Variants in ZNF655 observed in about 807,000 individuals in gnomAD.
ZNF655 encodes Vav-interacting Kruppel-like protein 1.
Under a neutral mutation model 6.6 loss-of-function variants are expected in ZNF655, and 3 were observed. The observed-to-expected ratio is 0.46, with a 90% CI of 0.21 to 1.18. ZNF655 has a LOEUF of 1.18. Ranked by LOEUF, ZNF655 falls within the 50% of genes most tolerant of loss-of-function variation. The pLI, the probability that ZNF655 is intolerant of heterozygous loss-of-function variation, is 0.24. For missense variants in ZNF655, 526 were observed against 572.3 expected, an observed-to-expected ratio of 0.92 and a Z score of 0.83; for synonymous variants, 178 against 195.0, an observed-to-expected ratio of 0.91 and a Z score of 0.73.
chr7:99,562,931 C>T (rs1436373996), intron 2 of ZNF655, among the ~76,000 whole-genome samples: 4 of 152,036 alleles, frequency 2.6e-5, no homozygotes, highest in East Asian at 3.8e-4. Flanking sequence ...AAAGAAATGC[C>T]GTTTATTTAA....
chr7:99,564,713 A>G (rs1803489056), intron 2 of ZNF655: 1 of 985,098 alleles, frequency 1.0e-6, no homozygotes, highest in Non-Finnish European at 1.2e-6. Context: ...TAACCTGTCT[A>G]CTTTTTGGAG....
intron 2 of ZNF655, among the ~76,000 whole-genome samples, chr7:99,569,709 A>G (rs969981187): frequency 1.3e-5 from 2 of 152,152 alleles, no homozygotes; most frequent in Non-Finnish European, 2.9e-5. Flanking sequence ...TACTTAGTAA[A>G]ACTTAATAAT....
At position 99,560,717 on chromosome 7, in the gene ZNF655, C is replaced by G. The variant is rs185524288; in HGVS notation, c.136+22C>G. 8.2e-4 allele frequency: 1,327 copies of G among 1,611,424 alleles called. 2 individuals are homozygous for G. The highest frequency in any genetic ancestry group is 3.0e-3 in the East Asian group (135 of 44,766). On this transcript the variant is annotated intron_variant, in intron 2 of 2. Transcript: ENST00000252713. ...GGGGGTAAGGCAGAGAAAGCACTTC[C>G]GTCTGGGAGAGTGGGAGTGCGGAGG...
intron 2 of ZNF655, among the ~76,000 whole-genome samples, chr7:99,569,840 G>T (rs1287423420): frequency 6.6e-6 from 1 of 152,068 alleles, no homozygotes; most frequent in African/African-American, 2.4e-5. Flanking sequence ...CGTACAAGTG[G>T]TTTTTTGTTA....
intron 2 of ZNF655, among the ~76,000 whole-genome samples, chr7:99,569,800 T>TA (rs1025980979): frequency 3.3e-5 from 5 of 152,050 alleles, no homozygotes; most frequent in African/African-American, 9.7e-5. Flanking sequence ...TTTTCTCTTT[T>TA]AAAAAAAATT....
At position 99,573,288 on chromosome 7, in the gene ZNF655, C is replaced by T. The variant is rs765720694; in HGVS notation, c.1180C>T (p.His394Tyr). 2.4e-5 allele frequency: 38 copies of T among 1,614,026 alleles called. No homozygotes were observed. Among genetic ancestry groups the T allele is most frequent in the African/African-American group, 4.0e-5 (3 of 74,934 alleles). Residue 394 changes from histidine to tyrosine, a missense_variant, in exon 3 of 3, where the codon CAT becomes TAT. Coordinates refer to ENST00000252713, the MANE Select transcript of ZNF655 (RefSeq NM_138494.3). The stretch of plus-strand genomic sequence containing the variant: ...TGGAAAAGACTTCAGATTGAATTCA[C>T]ATCTTATTCAGCATCAAAGAATTCA... ...ECGKDFRLNS[H>Y]LIQHQRIHTG... is the part of the protein sequence containing the mutation.
Position 99,573,412 on chromosome 7 carries a change from C to A in ZNF655, c.1304C>A (p.Ser435Ter). The A allele has an allele frequency of 1.2e-6, 2 of 1,614,072 alleles. No individual in the cohort carries two copies. Among genetic ancestry groups the A allele is most frequent in the Non-Finnish European group, 1.7e-6 (2 of 1,180,002 alleles). Residue 435 changes from serine to a stop codon, truncating the protein, a stop_gained, in exon 3 of 3, where the codon TCG (serine) becomes TAG (stop). Coordinates refer to ENST00000252713, the MANE Select transcript of ZNF655 (RefSeq NM_138494.3). LOFTEE classifies it low-confidence loss of function (END_TRUNC). ...CACAAAATGCATAGGAAAGAGAAAT[C>A]GTATGAATGTAATGAGTATGAGGGC... is the stretch of plus-strand genomic sequence containing the variant. ...QHHKMHRKEK[S>*]YECNEYEGSF...
intron 2 of ZNF655, chr7:99,561,949 TG>T: frequency 6.3e-7 from 1 of 1,596,374 alleles, no homozygotes; most frequent in Non-Finnish European, 8.5e-7. Context: ...ACCAGGCAGC[TG>T]CGCTCTTGAC....
chr7:99,563,109 A>G (rs1803333635), intron 2 of ZNF655: 1 of 429,066 alleles, frequency 2.3e-6, no homozygotes, highest in Admixed American at 2.5e-5. Context: ...CACCCAGGGC[A>G]GCAGAAATCT....
At chr7:99,560,832 G>A in intron 2 of ZNF655, 137 bp downstream of exon 2, 4 of 1,107,836 alleles carry the variant, frequency 3.6e-6, no homozygotes, top group Non-Finnish European at 5.1e-6. Flanking sequence ...GAAAGAGGGG[G>A]CAGATGTGAC....
intron 2 of ZNF655, chr7:99,563,314 A>G (rs964861312): frequency 6.7e-5 from 14 of 208,062 alleles, no homozygotes; most frequent in Admixed American, 4.1e-4. Flanking sequence ...ATTATATTAT[A>G]TTTTTTATTT....
chr7:99,562,270 G>T (rs375976477), intron 2 of ZNF655: 68 of 1,484,766 alleles, frequency 4.6e-5, no homozygotes, highest in Admixed American at 2.8e-4. Flanking sequence ...CCTCCTCAAC[G>T]TAAGTACACA....
rs766255366 is a variant in ZNF655, at chr7:99,575,357, T to G, written c.*1773T>G. ...GTCGAGACCATCCTGGCCAACATGG[T>G]GAAACCCCGTCTCTACTAAAAATAC... On this transcript the variant is annotated 3_prime_UTR_variant, in exon 3 of 3. Transcript: ENST00000252713. 6.6e-6 allele frequency: 1 copy of G among 152,124 alleles called. No individual in the cohort carries two copies. The highest frequency in any genetic ancestry group is 1.5e-5 in the Non-Finnish European group (1 of 68,104). The allele number at this position is 152,124 out of a possible 1,614,324, so 9.4% of individuals were successfully genotyped here.
chr7:99,572,573 T>A lies in ZNF655; in HGVS notation c.465T>A (p.Asn155Lys). Residue 155 changes from asparagine to lysine, a missense_variant, in exon 3 of 3, where the codon AAT becomes AAA. By Grantham distance (94) the Asn-to-Lys change is moderately conservative (BLOSUM62 0). Transcript: ENST00000252713. The part of the protein sequence containing the change: ...DADQRVLRIQ[N>K]TDDNDKYDMS... ...ATCAGAGAGTTCTTAGAATACAGAA[T>A]ACCGATGACAATGATAAGTATGACA... is the stretch of plus-strand genomic sequence containing the variant. 7 of 1,613,884 alleles carry A rather than the reference T, an allele frequency of 4.3e-6. No individual in the cohort carries two copies. The highest frequency in any genetic ancestry group is 5.9e-6 in the Non-Finnish European group (7 of 1,179,950).
At position 99,563,780 on chromosome 7, in the gene ZNF655, GTCT is replaced by G. The variant is rs907230745; in HGVS notation, c.136+3090_136+3092del. On this transcript the variant is annotated intron_variant, in intron 2 of 2. Transcript: ENST00000252713. Reference sequence around the variant, plus strand: ...TCCCTGATTATGCTCAGGATTCAAGGTCTTCTTATTTGTGGGGAGGCAGGCTGC... The same window carrying G: ...TCCCTGATTATGCTCAGGATTCAAGGTCTTATTTGTGGGGAGGCAGGCTGC... 2.4e-5 allele frequency: 37 copies of G among 1,513,340 alleles called. No homozygotes were observed. The Admixed American group carries it at 4.8e-4, about 20-fold the overall frequency. 93.7% of individuals were successfully genotyped at this position (1,513,340 alleles called of 1,614,324 possible).
intron 2 of ZNF655, among the ~76,000 whole-genome samples, chr7:99,569,664 G>C (rs1803889471): frequency 6.6e-6 from 1 of 152,130 alleles, no homozygotes; most frequent in Non-Finnish European, 1.5e-5. Flanking sequence ...TGAAAACCTA[G>C]AGAGCTCTTG....
chr7:99,572,938 G>A lies in ZNF655; in HGVS notation c.830G>A (p.Cys277Tyr), dbSNP rs940427080. 1 of 1,614,064 alleles carries A rather than the reference G, an allele frequency of 6.2e-7. No homozygotes were observed. The highest frequency in any genetic ancestry group is 1.1e-5 in the South Asian group (1 of 91,076). Residue 277 changes from cysteine (C) to tyrosine (Y), a missense_variant, in exon 3 of 3, where the codon TGT (cysteine) becomes TAT (tyrosine). Physicochemically the swap from Cys to Tyr is radical, Grantham distance 194 (BLOSUM62 -2). Coordinates refer to ENST00000252713, the MANE Select transcript of ZNF655 (RefSeq NM_138494.3). ...PYKCEASDKS[C>Y]EASDKSCSPS... ...AAATGTGAAGCATCTGATAAATCCT[G>A]TGAAGCGTCTGATAAATCCTGTAGT...
intron 2 of ZNF655, among the ~76,000 whole-genome samples, chr7:99,568,789 T>TTGAC (rs949076485): frequency 7.1e-4 from 107 of 151,674 alleles, no homozygotes; most frequent in East Asian, 4.7e-3. Context: ...TGTTGGTTGA[T>TTGAC]TGACTGACTG....
chr7:99,560,818 G>A (rs1404594000), intron 2 of ZNF655, 123 bp downstream of exon 2: 3 of 1,256,328 alleles, frequency 2.4e-6, no homozygotes, highest in Admixed American at 4.7e-5. Context: ...CTAGAGGGAG[G>A]AATGAAAGAG....
Sources: allele counts gnomAD v4.1 joint callset (sites outside exome capture counted in the v4.1 genomes callset), GRCh38; gene constraint gnomAD v4.1.1; transcripts MANE v1.5; gene names NCBI Gene and HGNC (gene_info 2026-07-23, HGNC 2026-07-21).